CCSER2: variants seen among roughly 807,000 people sequenced by gnomAD.
CCSER2 encodes coiled-coil serine rich protein 2.
CCSER2 carries 46 observed loss-of-function variants against 92.3 expected under a neutral mutation model. The observed-to-expected ratio is 0.50, with a 90% CI of 0.39 to 0.64. The LOEUF (loss-of-function observed/expected upper bound fraction) is 0.64. Ranked by LOEUF, CCSER2 falls within the 30% of genes least tolerant of loss-of-function variation. The probability of loss-of-function intolerance (pLI) is 0.00; values close to 1 mark genes in which losing one functional copy is unlikely to be tolerated. For missense variants in CCSER2, 1,244 were observed against 1,238.9 expected (o/e 1.00, Z -0.06); for synonymous variants, 433 against 431.4 (o/e 1.00, Z -0.04).
intron 9 of CCSER2, among the ~76,000 whole-genome samples, chr10:84,488,361 A>G (rs1023025650): frequency 2.0e-4 from 31 of 152,230 alleles, no homozygotes; most frequent in African/African-American, 6.0e-4. Context: ...CTGTGAATCC[A>G]TCTGGTCCTG....
chr10:84,373,731 A>T lies in CCSER2; in HGVS notation c.1530A>T (p.Thr510=), dbSNP rs1350708851. ...CTCCATCTGATAGCTCTGATGGAAC[A>T]TACATGTGGGATGAAGAAGGCTTGG... ...ELSPSDSSDG[T]YMWDEEGLEP... Residue 510 remains threonine (T), a synonymous_variant, in exon 3 of 10, where the codon ACA becomes ACT. Transcript: ENST00000372088. The T allele has an allele frequency of 6.2e-7, 1 of 1,613,790 alleles. No individual in the cohort carries two copies. The highest frequency in any genetic ancestry group is 8.5e-7 in the Non-Finnish European group (1 of 1,179,784).
intron 5 of CCSER2, among the ~76,000 whole-genome samples, chr10:84,426,509 T>C (rs1843442320): frequency 6.6e-6 from 1 of 152,208 alleles, no homozygotes; most frequent in South Asian, 2.1e-4. Context: ...TTACTATCTT[T>C]AAAACATAAT....
intron 5 of CCSER2, among the ~76,000 whole-genome samples, chr10:84,435,439 C>T (rs1468734617): frequency 6.6e-6 from 1 of 152,092 alleles, no homozygotes; most frequent in African/African-American, 2.4e-5. Context: ...GACCAGTCTC[C>T]TTCAGTGTAT....
In CCSER2 at chr10:84,391,453, C is replaced by T. The variant is rs1442001127; in HGVS notation, c.1614+17638C>T. On this transcript the variant is annotated intron_variant, in intron 3 of 9. Transcript: ENST00000372088. Reference sequence around the variant, plus strand: ...AGAGTTATTTTGCCCTGTTAGGTGACCTCACAAAAGCTTGCTTTCAGCATG... The same window carrying T: ...AGAGTTATTTTGCCCTGTTAGGTGATCTCACAAAAGCTTGCTTTCAGCATG... 3.8e-6 allele frequency: 6 copies of T among 1,563,522 alleles called. 1 individual carries two copies. The East Asian group carries it at 9.0e-5, about 23-fold the overall frequency.
At chr10:84,407,258 T>G (rs1842424772) in intron 3 of CCSER2, among the ~76,000 whole-genome samples, 2 of 152,238 alleles carry the variant, frequency 1.3e-5, no homozygotes, top group South Asian at 4.1e-4. Flanking sequence ...GATTTGGCCT[T>G]CCTTTTTGGT....
chr10:84,435,303 GT>G (rs1356524470), intron 5 of CCSER2, among the ~76,000 whole-genome samples: 2 of 152,146 alleles, frequency 1.3e-5, no homozygotes, highest in Non-Finnish European at 2.9e-5. Context: ...CTTTGTTTCA[GT>G]TAGTGAACAA....
intron 5 of CCSER2, among the ~76,000 whole-genome samples, chr10:84,437,860 G>A (rs1282727564): frequency 3.3e-5 from 5 of 151,884 alleles, no homozygotes; most frequent in South Asian, 2.1e-4. Context: ...TTACAGGCAC[G>A]TGCCACCATG....
chr10:84,403,103 C>T (rs780785300), intron 3 of CCSER2, among the ~76,000 whole-genome samples: 1 of 152,126 alleles, frequency 6.6e-6, no homozygotes, highest in Non-Finnish European at 1.5e-5. Context: ...TTGGCAGAAG[C>T]ATAGACACAT....
Position 84,379,980 on chromosome 10 carries a change from A to T in CCSER2, c.1614+6165A>T, listed in dbSNP as rs1420564291. Among the ~76,000 whole-genome samples the T allele has an allele frequency of 2.0e-5, 3 of 152,314 alleles. No homozygotes were observed. The East Asian group carries it at 5.8e-4, about 29-fold the overall frequency. ...CGGATTCAATTCTCTTTGATCATAT[A>T]AGTCAGTTTCTTTAGGATATAAACC... On this transcript the variant is annotated intron_variant, in intron 3 of 9. Transcript: ENST00000372088.
intron 6 of CCSER2, among the ~76,000 whole-genome samples, chr10:84,440,414 G>T (rs1002693245): frequency 6.6e-6 from 1 of 151,894 alleles, no homozygotes; most frequent in Non-Finnish European, 1.5e-5. Flanking sequence ...CTTTAAATTT[G>T]TTTCTAATGT....
intron 1 of CCSER2, among the ~76,000 whole-genome samples, chr10:84,355,807 T>TA (rs1845135753): frequency 1.3e-5 from 2 of 152,164 alleles, no homozygotes; most frequent in Admixed American, 1.3e-4. Flanking sequence ...AGTTACTTTA[T>TA]AAAAAAGTGT....
chr10:84,337,302 G>T (rs925676166), intron 1 of CCSER2, among the ~76,000 whole-genome samples: 1 of 152,160 alleles, frequency 6.6e-6, no homozygotes, highest in Non-Finnish European at 1.5e-5. Context: ...CCAAGAAGCC[G>T]CACGCCTATA....
chr10:84,371,338 G>A lies in CCSER2; in HGVS notation c.286G>A (p.Glu96Lys). The change falls in exon 2 of 10, where the codon GAA becomes AAA. Residue 96 changes from glutamate (E) to lysine (K), a missense_variant. Glu to Lys is a moderately conservative substitution (Grantham distance 56, BLOSUM62 1). Transcript: ENST00000372088. ...QNSHDKIIDP[E>K]KRVPTQGMFD... is the part of the protein sequence containing the mutation. ...TTCACATGATAAAATAATTGATCCT[G>A]AAAAACGTGTTCCTACTCAAGGAAT... 1 of 1,613,676 alleles carries A rather than the reference G, an allele frequency of 6.2e-7. No individual in the cohort carries two copies. The highest frequency in any genetic ancestry group is 1.3e-5 in the African/African-American group (1 of 75,006).
At chr10:84,375,863 C>CTT (rs532459199) in intron 3 of CCSER2, among the ~76,000 whole-genome samples, 1 of 135,068 alleles carries the variant, frequency 7.4e-6, no homozygotes. Context: ...GTTTCTTTTT[C>CTT]TTTTTTTTTT....
chr10:84,468,289 C>A (rs1422383858), intron 7 of CCSER2, among the ~76,000 whole-genome samples: 1 of 152,172 alleles, frequency 6.6e-6, no homozygotes, highest in East Asian at 1.9e-4. Context: ...TCCCTCATTT[C>A]TGATGTGTGA....
At chr10:84,368,286 A>G (rs1213130853) in intron 1 of CCSER2, among the ~76,000 whole-genome samples, 2 of 152,270 alleles carry the variant, frequency 1.3e-5, no homozygotes, top group Middle Eastern at 3.4e-3. Context: ...ATACTGTACC[A>G]TACAGAATTT....
At chr10:84,335,671 T>C (rs1352661191) in intron 1 of CCSER2, among the ~76,000 whole-genome samples, 1 of 152,180 alleles carries the variant, frequency 6.6e-6, no homozygotes, top group Non-Finnish European at 1.5e-5. Flanking sequence ...GTGAATACGC[T>C]AGGGACAAAG....
At chr10:84,342,393 T>G (rs1844238708) in intron 1 of CCSER2, among the ~76,000 whole-genome samples, 2 of 152,226 alleles carry the variant, frequency 1.3e-5, no homozygotes, top group Admixed American at 1.3e-4. Flanking sequence ...CATTACTGTT[T>G]AGATAATTGT....
rs1272152338 is a variant in CCSER2 at position 84,513,812 on chromosome 10, G to A, written c.2689G>A (p.Val897Ile). 11 of 1,536,186 alleles carry A rather than the reference G, an allele frequency of 7.2e-6. No individual in the cohort carries two copies. Among genetic ancestry groups the A allele is most frequent in the African/African-American group, 2.7e-5 (2 of 73,032 alleles). The change falls in exon 10 of 10, where the codon GTA becomes ATA. Residue 897 changes from valine to isoleucine, a missense_variant. Coordinates refer to ENST00000372088, the MANE Select transcript of CCSER2 (RefSeq NM_001284240.2). ...SLQTPPESST[V>I]DQAKRVGRNQ... ...TCAGACACCTCCCGAGTCAAGTACA[G>A]TAGACCAGGCTAAGAGAGTTGGAAG...
Sources: allele counts gnomAD v4.1 joint callset (sites outside exome capture counted in the v4.1 genomes callset), GRCh38; gene constraint gnomAD v4.1.1; transcripts MANE v1.5; gene names NCBI Gene and HGNC (gene_info 2026-07-23, HGNC 2026-07-21).